STX8: variants seen among roughly 807,000 people sequenced by gnomAD.
The protein encoded by STX8 is syntaxin 8.
STX8 carries 23 observed loss-of-function variants against 37.5 expected under a neutral mutation model. The ratio of observed to expected loss-of-function variants is 0.61; its 90% CI spans 0.44 to 0.87. STX8 has a LOEUF of 0.87. STX8 is among the 40% of genes least tolerant of loss of function. STX8 has a pLI of 0.00. For synonymous variants in STX8, 115 were observed against 99.1 expected (o/e 1.16, Z -0.95); for missense variants, 313 against 284.7 (o/e 1.10, Z -0.71).
At chr17:9,372,033 A>T (rs1313082323) in intron 7 of STX8, among the ~76,000 whole-genome samples, 1 of 152,114 alleles carries the variant, frequency 6.6e-6, no homozygotes, top group Non-Finnish European at 1.5e-5. Context: ...GCATCCTAGA[A>T]TATGCTTTCC....
chr17:9,313,225 G>A (rs1251604402), intron 7 of STX8, among the ~76,000 whole-genome samples: 1 of 152,140 alleles, frequency 6.6e-6, no homozygotes, highest in African/African-American at 2.4e-5. Flanking sequence ...AGAGGTCACT[G>A]TGAATTGAGT....
At chr17:9,487,257 G>A (rs1158326562) in intron 6 of STX8, among the ~76,000 whole-genome samples, 1 of 152,128 alleles carries the variant, frequency 6.6e-6, no homozygotes, top group East Asian at 1.9e-4. Flanking sequence ...ATTCCAAAAT[G>A]ACCTAGCCTA....
At position 9,374,480 on chromosome 17, in the gene STX8, T is replaced by C. The variant is rs147324994; in HGVS notation, c.643+4072A>G. Among the ~76,000 whole-genome samples, 600 of 152,298 alleles carry C rather than the reference T, an allele frequency of 3.9e-3. 5 individuals carry two copies. Among genetic ancestry groups the C allele is most frequent in the African/African-American group, 0.014 (567 of 41,564 alleles). On this transcript the variant is annotated intron_variant, in intron 7 of 7. Transcript: ENST00000306357. ...ATGCTTTGTGTTCACAGGCATAATA[T>C]TGATCAGTTGAAGGCTTAAAAGGAA...
At chr17:9,398,390 G>A (rs1250922349) in intron 6 of STX8, among the ~76,000 whole-genome samples, 3 of 152,072 alleles carry the variant, frequency 2.0e-5, no homozygotes, top group Admixed American at 1.3e-4. Context: ...AGTATCCTAC[G>A]AAATACCTGA....
At chr17:9,375,207 G>C (rs1296778767) in intron 7 of STX8, among the ~76,000 whole-genome samples, 1 of 151,500 alleles carries the variant, frequency 6.6e-6, no homozygotes, top group Non-Finnish European at 1.5e-5. Flanking sequence ...AATAAAATGA[G>C]GCATGAGATA....
At chr17:9,528,477 T>C (rs969199527) in intron 4 of STX8, among the ~76,000 whole-genome samples, 3 of 152,164 alleles carry the variant, frequency 2.0e-5, no homozygotes, top group Admixed American at 6.5e-5. Flanking sequence ...TTTGTATTTT[T>C]AGTAGAGATG....
Position 9,366,190 on chromosome 17 carries a change from C to G in STX8, c.643+12362G>C, listed in dbSNP as rs116328868. 7.6e-3 allele frequency among the ~76,000 whole-genome samples: 1,160 copies of G among 152,302 alleles called. 21 individuals carry two copies. Among genetic ancestry groups the G allele is most frequent in the African/African-American group, 0.026 (1,098 of 41,572 alleles). ...ATGCCTTCTTCGAATCTATTTCCCACTGCCTGGAATGCTATTTTCTCCTCT... is the reference window on the plus strand; with the variant it reads ...ATGCCTTCTTCGAATCTATTTCCCAGTGCCTGGAATGCTATTTTCTCCTCT... On this transcript the variant is annotated intron_variant, in intron 7 of 7. Coordinates refer to ENST00000306357, the MANE Select transcript of STX8 (RefSeq NM_004853.3).
intron 7 of STX8, among the ~76,000 whole-genome samples, chr17:9,332,482 C>T (rs1278194554): frequency 6.6e-6 from 1 of 152,182 alleles, no homozygotes; most frequent in African/African-American, 2.4e-5. Context: ...TTCTAGAGAC[C>T]TAGATCTGTA....
intron 1 of STX8, among the ~76,000 whole-genome samples, chr17:9,574,359 AT>A (rs1189249456): frequency 6.6e-6 from 1 of 150,752 alleles, no homozygotes; most frequent in Non-Finnish European, 1.5e-5. Flanking sequence ...TTATATATAT[AT>A]ATAAAAATAT....
chr17:9,358,228 G>A (rs1910946730), intron 7 of STX8, among the ~76,000 whole-genome samples: 1 of 152,172 alleles, frequency 6.6e-6, no homozygotes, highest in South Asian at 2.1e-4. Context: ...GCATGGTGGT[G>A]CACACCTGTA....
At chr17:9,568,540 G>C (rs142775204) in intron 1 of STX8, 70 bp from the exon 2 acceptor site, 14 of 1,333,944 alleles carry the variant, frequency 1.0e-5, no homozygotes, top group South Asian at 2.6e-5. Flanking sequence ...TCGCTCTGTC[G>C]CCCAGGCTGG....
At chr17:9,552,326 A>C (rs1906796751) in intron 3 of STX8, among the ~76,000 whole-genome samples, 1 of 152,206 alleles carries the variant, frequency 6.6e-6, no homozygotes, top group South Asian at 2.1e-4. Context: ...TAGGCAACAC[A>C]GTGAGATCCT....
At position 9,291,611 on chromosome 17, in the gene STX8, T is replaced by C. The variant is rs1908314933; in HGVS notation, c.644-40966A>G. Among the ~76,000 whole-genome samples, 4 of 152,058 alleles carry C rather than the reference T, an allele frequency of 2.6e-5. No homozygotes were observed. The South Asian group carries it at 8.3e-4, about 31-fold the overall frequency. On this transcript the variant is annotated intron_variant, in intron 7 of 7. Coordinates refer to ENST00000306357, the MANE Select transcript of STX8 (RefSeq NM_004853.3). ...AGGAATTGGACATATTTTATTTACG[T>C]TCTCTTCTACATGTAAACATTTTCT...
chr17:9,402,206 G>A lies in STX8; in HGVS notation c.542-23553C>T, dbSNP rs537332246. Among the ~76,000 whole-genome samples, 4 of 151,978 alleles carry A rather than the reference G, an allele frequency of 2.6e-5. No individual in the cohort carries two copies. In the East Asian group the frequency reaches 5.8e-4, roughly 22 times the overall value. ...ACGATCTCGGCTCACTGCAACCTCC[G>A]CCTCCTGAGTTCAAGCGATTCTCCT... On this transcript the variant is annotated intron_variant, in intron 6 of 7. Transcript: ENST00000306357.
At chr17:9,418,922 CT>C (rs1199002351) in intron 6 of STX8, among the ~76,000 whole-genome samples, 2,432 of 110,648 alleles carry the variant, frequency 0.022, 63 homozygotes, top group African/African-American at 0.065. Flanking sequence ...CTTTTTTTTT[CT>C]TTTTTTTTTT....
chr17:9,318,669 A>C (rs1246825693), intron 7 of STX8, among the ~76,000 whole-genome samples: 1 of 152,206 alleles, frequency 6.6e-6, no homozygotes, highest in Non-Finnish European at 1.5e-5. Flanking sequence ...TCAGACATTA[A>C]AGCTCCGAAG....
intron 7 of STX8, among the ~76,000 whole-genome samples, chr17:9,277,488 C>G (rs1394598269): frequency 6.6e-6 from 1 of 152,060 alleles, no homozygotes; most frequent in Non-Finnish European, 1.5e-5. Flanking sequence ...TGCTTCTACC[C>G]AACTCTGTAC....
rs554386816 is a variant in STX8 at position 9,301,915 on chromosome 17, G to T, written c.644-51270C>A. Among the ~76,000 whole-genome samples, 7 of 152,236 alleles carry T rather than the reference G, an allele frequency of 4.6e-5. No homozygotes were observed. In the East Asian group the frequency reaches 1.2e-3, roughly 25 times the overall value. On this transcript the variant is annotated intron_variant, in intron 7 of 7. Coordinates refer to ENST00000306357, the MANE Select transcript of STX8 (RefSeq NM_004853.3). ...TTGTAAGTAAATGTTATCTTTGTTG[G>T]GTATGGTTATTAGAGTTATTCTAAA...
At chr17:9,565,668 T>C (rs929717455) in intron 2 of STX8, among the ~76,000 whole-genome samples, 3 of 144,606 alleles carry the variant, frequency 2.1e-5, no homozygotes, top group Non-Finnish European at 3.0e-5. Context: ...CACGTACAAC[T>C]ATCCGAGCTT....
Sources: gnomAD v4.1 joint callset for allele counts (sites outside exome capture counted in the v4.1 genomes callset) on GRCh38, gnomAD v4.1.1 for gene constraint, MANE v1.5 for transcripts, NCBI Gene and HGNC (gene_info 2026-07-23, HGNC 2026-07-21) for gene names.